Variants in EPB41L3 observed in about 807,000 individuals in gnomAD.
The protein encoded by EPB41L3 is band 4.1-like protein 3.
Under a neutral mutation model 127.1 loss-of-function variants are expected in EPB41L3, and 57 were observed. The observed-to-expected ratio is 0.45, with a 90% CI of 0.36 to 0.56. The LOEUF (loss-of-function observed/expected upper bound fraction) is 0.56. Ranked by LOEUF, EPB41L3 falls within the 20% of genes least tolerant of loss-of-function variation. The pLI is 0.00. For synonymous variants in EPB41L3, 572 were observed against 549.5 expected, an observed-to-expected ratio of 1.04 and a Z score of -0.57; for missense variants, 1,273 against 1,372.2, an observed-to-expected ratio of 0.93 and a Z score of 1.14.
chr18:5,497,071 C>T (rs1182895881), intron 1 of EPB41L3, among the ~76,000 whole-genome samples: 10 of 152,208 alleles, frequency 6.6e-5, no homozygotes, highest in South Asian at 4.2e-4. Context: ...TATGCAGATA[C>T]GCACAGTGGC....
At chr18:5,557,625 T>G (rs1295377193) in intron 3 of EPB41L3, among the ~76,000 whole-genome samples, 1 of 150,822 alleles carries the variant, frequency 6.6e-6, no homozygotes, top group Non-Finnish European at 1.5e-5. Context: ...CCTCAAATGA[T>G]CCACCCCTGT....
chr18:5,531,806 G>A lies in EPB41L3; in HGVS notation c.-12+12107C>T, dbSNP rs368344687. On this transcript the variant is annotated intron_variant, in intron 1 of 22. Transcript: ENST00000341928. ...AACTTTGGTGCAAACTTTGGAACAT[G>A]ATTCTGTAAGGAAGAAGTCCTGAAG... Among the ~76,000 whole-genome samples, 363 of 150,866 alleles carry A rather than the reference G, an allele frequency of 2.4e-3. 1 individual carries two copies. Among genetic ancestry groups the A allele is most frequent in the Non-Finnish European group, 4.4e-3 (300 of 67,682 alleles).
chr18:5,504,395 T>G (rs1214469778), intron 1 of EPB41L3, among the ~76,000 whole-genome samples: 2 of 152,192 alleles, frequency 1.3e-5, no homozygotes, highest in Non-Finnish European at 2.9e-5. Context: ...AATTATCTTC[T>G]CATAATATCT....
chr18:5,497,165 G>A (rs533577681), intron 1 of EPB41L3, among the ~76,000 whole-genome samples: 3 of 152,328 alleles, frequency 2.0e-5, no homozygotes, highest in East Asian at 3.9e-4. Context: ...CAGGGGGTGT[G>A]AGGAAGAGGG....
chr18:5,404,438 T>C (rs983155312), intron 16 of EPB41L3, among the ~76,000 whole-genome samples: 3 of 152,218 alleles, frequency 2.0e-5, no homozygotes, highest in Non-Finnish European at 4.4e-5. Context: ...GCAGAGGGCA[T>C]GTTTTTCTTC....
At chr18:5,582,814 C>G (rs2094405911) in intron 3 of EPB41L3, among the ~76,000 whole-genome samples, 1 of 152,098 alleles carries the variant, frequency 6.6e-6, no homozygotes, top group Admixed American at 6.6e-5. Flanking sequence ...TTTAAATATC[C>G]CATGGAATGA....
At chr18:5,434,279 C>G (rs2079419058) in intron 6 of EPB41L3, among the ~76,000 whole-genome samples, 158 bp from the exon 7 acceptor site, 1 of 152,142 alleles carries the variant, frequency 6.6e-6, no homozygotes, top group African/African-American at 2.4e-5. Context: ...TTACTTCATA[C>G]ATACTTGTTC....
chr18:5,610,376 G>A (rs2094712136), intron 3 of EPB41L3: 1 of 850,128 alleles, frequency 1.2e-6, no homozygotes, highest in Admixed American at 6.2e-5. Context: ...TAAGGAGAAA[G>A]TTTCTGTAGA....
chr18:5,477,605 T>C (rs1242706480), intron 3 of EPB41L3, among the ~76,000 whole-genome samples: 1 of 152,238 alleles, frequency 6.6e-6, no homozygotes. Flanking sequence ...CAGCTGTCTC[T>C]GCAGTTCCAG....
At chr18:5,599,591 A>G (rs1342763650) in intron 3 of EPB41L3, among the ~76,000 whole-genome samples, 1 of 152,104 alleles carries the variant, frequency 6.6e-6, no homozygotes, top group Non-Finnish European at 1.5e-5. Context: ...TGTTCTCGTG[A>G]TAGTGAATGA....
chr18:5,437,132 G>C (rs1161093309), intron 6 of EPB41L3, among the ~76,000 whole-genome samples: 1 of 152,152 alleles, frequency 6.6e-6, no homozygotes, highest in South Asian at 2.1e-4. Flanking sequence ...GAGTGTCTGT[G>C]TCTCCTCCCC....
intron 1 of EPB41L3, among the ~76,000 whole-genome samples, chr18:5,494,901 A>G (rs1003766294): frequency 6.6e-6 from 1 of 152,136 alleles, no homozygotes; most frequent in East Asian, 1.9e-4. Context: ...ACCCTCGCTA[A>G]GGAGACATCA....
chr18:5,404,137 T>C (rs1319047872), intron 16 of EPB41L3, among the ~76,000 whole-genome samples: 1 of 152,206 alleles, frequency 6.6e-6, no homozygotes, highest in Admixed American at 6.5e-5. Flanking sequence ...CCACTCTGCC[T>C]GGCCCTGCTG....
chr18:5,492,063 T>C (rs2090659402), intron 1 of EPB41L3, among the ~76,000 whole-genome samples: 1 of 152,200 alleles, frequency 6.6e-6, no homozygotes, highest in African/African-American at 2.4e-5. Context: ...CTTACACCTG[T>C]AATCCCAGGA....
intron 4 of EPB41L3, among the ~76,000 whole-genome samples, chr18:5,444,450 A>T (rs1251233517): frequency 2.0e-5 from 3 of 152,218 alleles, no homozygotes; most frequent in African/African-American, 7.2e-5. Context: ...AAAATGAGTA[A>T]CAACTATGAG....
At chr18:5,422,511 A>G (rs1253333116) in intron 11 of EPB41L3, among the ~76,000 whole-genome samples, 1 of 152,180 alleles carries the variant, frequency 6.6e-6, no homozygotes, top group East Asian at 1.9e-4. Flanking sequence ...ATACTTGCAT[A>G]CCAGAAACTC....
At chr18:5,588,406 T>C (rs2094458019) in intron 3 of EPB41L3, among the ~76,000 whole-genome samples, 1 of 152,074 alleles carries the variant, frequency 6.6e-6, no homozygotes, top group Non-Finnish European at 1.5e-5. Flanking sequence ...AAACAACGTT[T>C]TAATACACAA....
At chr18:5,606,437 T>C (rs556597341) in intron 3 of EPB41L3, among the ~76,000 whole-genome samples, 3 of 152,294 alleles carry the variant, frequency 2.0e-5, no homozygotes, top group East Asian at 3.9e-4. Context: ...CTCCCTTACA[T>C]AGATAATATT....
At chr18:5,551,325 A>G (rs1390640655) in intron 3 of EPB41L3, among the ~76,000 whole-genome samples, 1 of 152,154 alleles carries the variant, frequency 6.6e-6, no homozygotes. Context: ...TGTGATATCA[A>G]TATTCATTGA....
Sources: gnomAD v4.1 joint callset for allele counts (sites outside exome capture counted in the v4.1 genomes callset) on GRCh38, gnomAD v4.1.1 for gene constraint, MANE v1.5 for transcripts, NCBI Gene and HGNC (gene_info 2026-07-23, HGNC 2026-07-21) for gene names.